The following DZANK1 variants were observed in gnomAD, a reference collection of about 807,000 sequenced individuals.
The protein encoded by DZANK1 is double zinc ribbon and ankyrin repeat-containing protein 1.
In DZANK1, 91 loss-of-function variants were observed where a neutral mutation model predicts 94.5. The ratio of observed to expected loss-of-function variants is 0.96; its 90% CI spans 0.81 to 1.15. DZANK1 has a LOEUF of 1.15. Among genes scored for constraint, DZANK1 ranks in the 50% most tolerant of loss-of-function variants. The pLI, the probability that DZANK1 is intolerant of heterozygous loss-of-function variation, is 0.00. For missense variants in DZANK1, 903 were observed against 916.4 expected, an observed-to-expected ratio of 0.99 and a Z score of 0.19; for synonymous variants, 312 against 325.3, an observed-to-expected ratio of 0.96 and a Z score of 0.44.
At chr20:18,417,338 G>A (rs150795806) in intron 10 of DZANK1, among the ~76,000 whole-genome samples, 45 of 152,336 alleles carry the variant, frequency 3.0e-4, no homozygotes, top group African/African-American at 1.0e-3. Context: ...TACATAAGAA[G>A]TCCTGAATGC....
chr20:18,436,559 GA>G (rs1207850735), intron 8 of DZANK1, among the ~76,000 whole-genome samples: 3 of 151,742 alleles, frequency 2.0e-5, no homozygotes, highest in African/African-American at 7.3e-5. Flanking sequence ...GAAGAACAGA[GA>G]AAAAAGACTG....
At chr20:18,464,980 C>T (rs961887716) in intron 2 of DZANK1, among the ~76,000 whole-genome samples, 7 of 152,074 alleles carry the variant, frequency 4.6e-5, no homozygotes, top group East Asian at 1.9e-4. Context: ...CGGCCAGCAC[C>T]GGGACATCTT....
At chr20:18,391,964 C>T (rs2056021845) in intron 17 of DZANK1, among the ~76,000 whole-genome samples, 1 of 152,236 alleles carries the variant, frequency 6.6e-6, no homozygotes, top group Non-Finnish European at 1.5e-5. Context: ...TACTAGAATG[C>T]AGTAGGCATG....
intron 7 of DZANK1, among the ~76,000 whole-genome samples, chr20:18,444,040 G>C (rs1295058671): frequency 6.6e-6 from 1 of 152,192 alleles, no homozygotes; most frequent in Non-Finnish European, 1.5e-5. Context: ...GCCAAAGTGA[G>C]AGCATTCTTG....
intron 13 of DZANK1, among the ~76,000 whole-genome samples, chr20:18,404,873 C>T (rs1213491752): frequency 1.3e-5 from 2 of 151,842 alleles, no homozygotes; most frequent in Non-Finnish European, 2.9e-5. Context: ...AATTGCACCA[C>T]TGCACTCCAG....
intron 10 of DZANK1, 120 bp downstream of exon 10, chr20:18,426,947 C>T (rs973405149): frequency 1.8e-6 from 1 of 541,224 alleles, no homozygotes; most frequent in African/African-American, 1.9e-5. Context: ...TTTCAGTTTA[C>T]CATGAGAAGC....
chr20:18,439,989 C>T (rs777054768), intron 8 of DZANK1, among the ~76,000 whole-genome samples: 1 of 152,076 alleles, frequency 6.6e-6, no homozygotes, highest in East Asian at 1.9e-4. Flanking sequence ...GAGGTCATTA[C>T]AGTGGGACTT....
intron 15 of DZANK1, chr20:18,394,842 A>G (rs1245720373): frequency 2.2e-6 from 1 of 456,832 alleles, no homozygotes; most frequent in Non-Finnish European, 4.4e-6. Flanking sequence ...AACTTCTCTG[A>G]GCCTCAGTTT....
chr20:18,443,824 A>T (rs915167014), intron 7 of DZANK1, among the ~76,000 whole-genome samples: 3 of 151,944 alleles, frequency 2.0e-5, no homozygotes, highest in Non-Finnish European at 4.4e-5. Flanking sequence ...AATTCCAGCA[A>T]TTTTTACATT....
intron 7 of DZANK1, among the ~76,000 whole-genome samples, chr20:18,448,399 G>T (rs2058963364): frequency 6.6e-6 from 1 of 152,118 alleles, no homozygotes; most frequent in African/African-American, 2.4e-5. Flanking sequence ...AAAGGAAGGG[G>T]TTACCAAATA....
chr20:18,441,431 G>A lies in DZANK1; in HGVS notation c.747+1916C>T, dbSNP rs1362943301. ...TAGAAACCACAACTAATTTGAACAG[G>A]AAAAGTTCATATAAATAGTTATTAA... On this transcript the variant is annotated intron_variant, in intron 8 of 20. Transcript: ENST00000262547. The surrounding 1 kb of genome is among the most constrained non-coding windows in gnomAD (Gnocchi z 4.1). Among the ~76,000 whole-genome samples the A allele has an allele frequency of 6.6e-6, 1 of 152,180 alleles. No homozygotes were observed. The highest frequency in any genetic ancestry group is 1.9e-4 in the East Asian group (1 of 5,200).
rs753087344 is a variant in DZANK1, at chr20:18,460,143, C to T, written c.263+10G>A. ...CATAAATTAAATTAATCACCATGCT[C>T]TTAACTTACTTAGAGACAGCAATAG... is the stretch of plus-strand genomic sequence containing the variant. On this transcript the variant is annotated intron_variant, in intron 3 of 20. Coordinates refer to ENST00000262547, the Ensembl canonical transcript of DZANK1. 3 of 1,485,536 alleles carry T rather than the reference C, an allele frequency of 2.0e-6. No individual in the cohort carries two copies. The highest frequency in any genetic ancestry group is 2.7e-6 in the Non-Finnish European group (3 of 1,098,588). 92.0% of individuals were successfully genotyped at this position (1,485,536 alleles called of 1,614,324 possible). A position where few individuals can be genotyped will look rare whatever the true frequency, so the allele number is the denominator to read the frequency against.
intron 13 of DZANK1, among the ~76,000 whole-genome samples, chr20:18,409,444 G>C (rs1190004851): frequency 6.6e-6 from 1 of 152,068 alleles, no homozygotes; most frequent in Non-Finnish European, 1.5e-5. Context: ...CTTATAGCTA[G>C]TAGAGTTTAA....
intron 10 of DZANK1, among the ~76,000 whole-genome samples, chr20:18,418,383 T>C (rs772315718): frequency 3.3e-5 from 5 of 152,166 alleles, no homozygotes; most frequent in Non-Finnish European, 5.9e-5. Flanking sequence ...TGTATTCAGA[T>C]CTTTTACCAA....
At chr20:18,435,089 T>G (rs1428660112) in intron 8 of DZANK1, among the ~76,000 whole-genome samples, 1 of 152,098 alleles carries the variant, frequency 6.6e-6, no homozygotes, top group Non-Finnish European at 1.5e-5. Context: ...GAACTACACA[T>G]AGAGAACTGC....
At chr20:18,405,657 T>G (rs1280358256) in intron 13 of DZANK1, among the ~76,000 whole-genome samples, 1 of 152,230 alleles carries the variant, frequency 6.6e-6, no homozygotes, top group African/African-American at 2.4e-5. Flanking sequence ...CCTACATCAT[T>G]CATCCTCCCT....
At chr20:18,402,971 C>G (rs938605769) in intron 13 of DZANK1, among the ~76,000 whole-genome samples, 1 of 152,164 alleles carries the variant, frequency 6.6e-6, no homozygotes, top group Non-Finnish European at 1.5e-5. Context: ...GGTGTTTGAA[C>G]CATGGGCCAC....
intron 9 of DZANK1, among the ~76,000 whole-genome samples, chr20:18,431,640 C>T (rs536779865): frequency 1.3e-5 from 2 of 152,304 alleles, no homozygotes; most frequent in East Asian, 3.9e-4. Flanking sequence ...CATAAAAAGT[C>T]ACACACTTCT....
At chr20:18,414,291 C>T in intron 12 of DZANK1, 57 bp downstream of exon 12, 5 of 1,594,036 alleles carry the variant, frequency 3.1e-6, no homozygotes, top group Non-Finnish European at 4.3e-6. Flanking sequence ...GGAGCACACA[C>T]ATTCAGAGTT....
Sources: allele counts gnomAD v4.1 joint callset (sites outside exome capture counted in the v4.1 genomes callset), GRCh38; gene constraint gnomAD v4.1.1; non-coding constraint Gnocchi (gnomAD v3.1); transcripts MANE v1.5; gene names NCBI Gene and HGNC (gene_info 2026-07-23, HGNC 2026-07-21).